SLC35F3: variants seen among roughly 807,000 people sequenced by gnomAD.
SLC35F3 encodes putative thiamine transporter SLC35F3.
Under a neutral mutation model 49.9 loss-of-function variants are expected in SLC35F3, and 25 were observed. That is an observed-to-expected ratio of 0.50 (90% CI 0.37 to 0.70). SLC35F3 has a LOEUF of 0.70. Ranked by LOEUF, SLC35F3 falls within the 30% of genes least tolerant of loss-of-function variation. The pLI, the probability that SLC35F3 is intolerant of heterozygous loss-of-function variation, is 0.00. For missense variants in SLC35F3, 525 were observed against 639.8 expected (o/e 0.82, Z 1.94); for synonymous variants, 275 against 265.4 (o/e 1.04, Z -0.35).
intron 3 of SLC35F3, among the ~76,000 whole-genome samples, chr1:234,245,243 T>C (rs757809737): frequency 4.6e-5 from 7 of 152,262 alleles, no homozygotes; most frequent in Non-Finnish European, 7.3e-5. Context: ...GCCTGGATTA[T>C]TTCAATTAAC....
chr1:234,221,065 G>C (rs976160653), intron 2 of SLC35F3, among the ~76,000 whole-genome samples: 1 of 151,972 alleles, frequency 6.6e-6, no homozygotes, highest in East Asian at 2.0e-4. Flanking sequence ...CAGATAGTAC[G>C]GTGGCATGGA....
At chr1:234,051,730 G>C (rs1433032342) in intron 2 of SLC35F3, among the ~76,000 whole-genome samples, 1 of 152,122 alleles carries the variant, frequency 6.6e-6, no homozygotes, top group African/African-American at 2.4e-5. Context: ...TTTTCAAAGG[G>C]AATGCTTCCA....
At chr1:233,934,134 C>T (rs1334493013) in intron 2 of SLC35F3, among the ~76,000 whole-genome samples, 1 of 152,196 alleles carries the variant, frequency 6.6e-6, no homozygotes, top group African/African-American at 2.4e-5. Context: ...AAAGTGAATT[C>T]AGAGTATGTC....
chr1:233,960,001 G>A (rs1190737509), intron 2 of SLC35F3, among the ~76,000 whole-genome samples: 1 of 152,192 alleles, frequency 6.6e-6, no homozygotes, highest in Non-Finnish European at 1.5e-5. Context: ...TTGCCACAGT[G>A]TGTTTCCTCT....
chr1:234,185,680 G>T (rs1270596837), intron 2 of SLC35F3, among the ~76,000 whole-genome samples: 2 of 152,124 alleles, frequency 1.3e-5, no homozygotes, highest in Non-Finnish European at 2.9e-5. Context: ...TGATGGCAGG[G>T]ACTTGGAAGG....
intron 2 of SLC35F3, among the ~76,000 whole-genome samples, chr1:234,199,430 T>C (rs1558257864): frequency 6.6e-6 from 1 of 152,104 alleles, no homozygotes; most frequent in Non-Finnish European, 1.5e-5. Flanking sequence ...AAACTGTATG[T>C]TCATTCACAT....
chr1:234,180,597 ACT>A (rs1216382877), intron 2 of SLC35F3, among the ~76,000 whole-genome samples: 1 of 152,008 alleles, frequency 6.6e-6, no homozygotes, highest in African/African-American at 2.4e-5. Context: ...TTGTCAGGTC[ACT>A]CTCTATTTAA....
At chr1:233,969,064 G>GGC (rs972390484) in intron 2 of SLC35F3, among the ~76,000 whole-genome samples, 6 of 150,728 alleles carry the variant, frequency 4.0e-5, no homozygotes, top group African/African-American at 1.2e-4. Flanking sequence ...ATATTTTGGG[G>GGC]GGGGGGACAC....
chr1:233,988,771 T>G (rs1167560639), intron 2 of SLC35F3, among the ~76,000 whole-genome samples: 1 of 152,254 alleles, frequency 6.6e-6, no homozygotes, highest in Non-Finnish European at 1.5e-5. Flanking sequence ...TTTACTATCA[T>G]TTAAGTGAGA....
intron 2 of SLC35F3, among the ~76,000 whole-genome samples, chr1:233,917,114 C>T (rs1164125469): frequency 6.6e-6 from 1 of 152,142 alleles, no homozygotes; most frequent in East Asian, 1.9e-4. Flanking sequence ...ACATATACAT[C>T]TCGATCCGTC....
At chr1:234,240,537 A>G (rs1016143655) in intron 3 of SLC35F3, among the ~76,000 whole-genome samples, 48 of 152,066 alleles carry the variant, frequency 3.2e-4, no homozygotes, top group African/African-American at 1.1e-3. Context: ...TCCAGGAGGC[A>G]GAGGTTGCAG....
chr1:233,980,866 C>T (rs997372229), intron 2 of SLC35F3, among the ~76,000 whole-genome samples: 1 of 152,264 alleles, frequency 6.6e-6, no homozygotes, highest in African/African-American at 2.4e-5. Context: ...CAAGCATTGT[C>T]TTAGCATGTT....
intron 2 of SLC35F3, among the ~76,000 whole-genome samples, chr1:234,162,433 G>A (rs981632088): frequency 6.8e-6 from 1 of 147,622 alleles, no homozygotes; most frequent in Non-Finnish European, 1.5e-5. Context: ...AGAAGGTGGA[G>A]AGGGATTATA....
intron 2 of SLC35F3, among the ~76,000 whole-genome samples, chr1:234,206,472 G>C (rs535050953): frequency 5.1e-5 from 6 of 117,408 alleles, no homozygotes; most frequent in Non-Finnish European, 1.0e-4. Context: ...GGGTGGGGGG[G>C]ACTATTTCCA....
chr1:233,986,177 C>G (rs1471453391), intron 2 of SLC35F3, among the ~76,000 whole-genome samples: 2 of 152,172 alleles, frequency 1.3e-5, no homozygotes, highest in East Asian at 3.8e-4. Context: ...ATTACTCTTA[C>G]ATTCTGCCCT....
intron 2 of SLC35F3, among the ~76,000 whole-genome samples, chr1:234,183,662 T>A (rs569674160): frequency 2.8e-5 from 4 of 143,072 alleles, no homozygotes; most frequent in African/African-American, 9.7e-5. Context: ...ATGTCATCAA[T>A]GCCTGTATGC....
intron 2 of SLC35F3, among the ~76,000 whole-genome samples, chr1:234,024,242 T>A (rs2102844643): frequency 6.7e-6 from 1 of 150,090 alleles, no homozygotes. Flanking sequence ...GCACTAGGCA[T>A]TAGAGGAACT....
At chr1:234,274,735 C>A (rs936701769) in intron 3 of SLC35F3, among the ~76,000 whole-genome samples, 8 of 152,214 alleles carry the variant, frequency 5.3e-5, no homozygotes, top group Admixed American at 5.2e-4. Flanking sequence ...TGGCTGGTGA[C>A]TTTGCCCCTA....
chr1:234,301,164 A>C (rs1190459515), intron 3 of SLC35F3, among the ~76,000 whole-genome samples: 2 of 152,242 alleles, frequency 1.3e-5, no homozygotes, highest in East Asian at 3.8e-4. Context: ...AAGAGTCATC[A>C]GCTGGGCTTT....
Sources: allele counts gnomAD v4.1 joint callset (sites outside exome capture counted in the v4.1 genomes callset), GRCh38; gene constraint gnomAD v4.1.1; transcripts MANE v1.5; gene names NCBI Gene and HGNC (gene_info 2026-07-23, HGNC 2026-07-21).